LRP2: variants seen among roughly 807,000 people sequenced by gnomAD.
The protein encoded by LRP2 is LDL receptor related protein 2.
Under a neutral mutation model 531.0 loss-of-function variants are expected in LRP2, and 172 were observed. That is an observed-to-expected ratio of 0.32 (90% CI 0.29 to 0.37). The LOEUF is 0.37. Among genes scored for constraint, LRP2 ranks in the 10% least tolerant of loss-of-function variants. The pLI is 1.00. For missense variants in LRP2, 5,167 were observed against 5,868.3 expected, an observed-to-expected ratio of 0.88 and a Z score of 3.90; for synonymous variants, 1,992 against 2,027.6, an observed-to-expected ratio of 0.98 and a Z score of 0.47.
chr2:169,275,044 T>A lies in LRP2; in HGVS notation c.1967A>T (p.Gln656Leu). The A allele has an allele frequency of 3.7e-6, 6 of 1,613,474 alleles. No homozygotes were observed. Among genetic ancestry groups the A allele is most frequent in the Non-Finnish European group, 5.1e-6 (6 of 1,179,628 alleles). Residue 656 changes from glutamine to leucine, a missense_variant, in exon 14 of 79, where the codon CAG becomes CTG. Transcript: ENST00000649046. ...ACTGCTCTGAGGCTTACCATAGGGC[T>A]GTCTGAGGGAATGGTAAACAGTCAC... is the stretch of plus-strand genomic sequence containing the variant. ...YGVTVYHSLRQPYATNPCKDN... is the reference protein window; with the variant it reads ...YGVTVYHSLRLPYATNPCKDN...
chr2:169,309,486 T>C (rs144764751), intron 3 of LRP2, among the ~76,000 whole-genome samples: 38 of 152,372 alleles, frequency 2.5e-4, no homozygotes, highest in African/African-American at 8.9e-4. Flanking sequence ...AGGGAATCCT[T>C]TTCCCGTTTC....
chr2:169,216,777 G>A (rs1688812973), intron 34 of LRP2, among the ~76,000 whole-genome samples: 1 of 152,120 alleles, frequency 6.6e-6, no homozygotes, highest in Non-Finnish European at 1.5e-5. Flanking sequence ...TCAGTACATA[G>A]TGAAGGCCAA....
At chr2:169,305,602 T>C (rs1684394724) in intron 4 of LRP2, among the ~76,000 whole-genome samples, 1 of 152,192 alleles carries the variant, frequency 6.6e-6, no homozygotes, top group African/African-American at 2.4e-5. Flanking sequence ...ACTGAAAAGT[T>C]TATGATCAAG....
chr2:169,312,776 C>T (rs568715661), intron 3 of LRP2, among the ~76,000 whole-genome samples: 205 of 152,204 alleles, frequency 1.3e-3, no homozygotes, highest in African/African-American at 4.4e-3. Context: ...GAAGTTCTCC[C>T]GGATAATATC....
At chr2:169,357,091 A>G (rs1686008121) in intron 1 of LRP2, among the ~76,000 whole-genome samples, 1 of 152,140 alleles carries the variant, frequency 6.6e-6, no homozygotes. Flanking sequence ...AGTTAATAGG[A>G]TACGATAGAA....
chr2:169,299,696 G>A (rs7575260), intron 4 of LRP2, among the ~76,000 whole-genome samples: 38,368 of 151,946 alleles, frequency 0.25, 5,253 homozygotes, highest in East Asian at 0.44. Context: ...TAGTGGCACG[G>A]GGCTACATGT....
At chr2:169,309,130 G>C (rs1684515475) in intron 3 of LRP2, among the ~76,000 whole-genome samples, 1 of 152,094 alleles carries the variant, frequency 6.6e-6, no homozygotes, top group Non-Finnish European at 1.5e-5. Context: ...TCAGCCCTTT[G>C]TCAGATGGGT....
intron 29 of LRP2, 87 bp from the exon 30 acceptor site, chr2:169,233,675 CG>C: frequency 8.4e-7 from 1 of 1,193,208 alleles, no homozygotes; most frequent in Non-Finnish European, 1.2e-6. Flanking sequence ...CTCAAGAAGA[CG>C]GTTTCCTTTA....
Position 169,211,963 on chromosome 2 carries a change from C to A in LRP2, c.6280+5G>T. On this transcript the variant is annotated splice_donor_5th_base_variant and intron_variant, in intron 37 of 78. Transcript: ENST00000649046. ...CAAATCTTACTTATATTGGAGTTGG[C>A]ATACCTTGGCCTGCCACCGGCACCA... The A allele has an allele frequency of 6.2e-7, 1 of 1,613,842 alleles. No individual in the cohort carries two copies. The highest frequency in any genetic ancestry group is 8.5e-7 in the Non-Finnish European group (1 of 1,179,810).
In LRP2 at chr2:169,179,720, C is replaced by CA. The variant is rs5836221; in HGVS notation, c.10170-1695dup. Among the ~76,000 whole-genome samples the CA allele has an allele frequency of 2.2e-4, 32 of 146,224 alleles. 1 individual carries two copies. Among genetic ancestry groups the CA allele is most frequent in the South Asian group, 4.5e-4 (2 of 4,478 alleles). On this transcript the variant is annotated intron_variant, in intron 52 of 78. Transcript: ENST00000649046. ...GGGCAACAAGAGCGAATTTCCATCT[C>CA]AAAAAAAAAAAGTAAGAGTAGAACT... is the stretch of plus-strand genomic sequence containing the variant.
At chr2:169,298,955 A>AAAACAGAGAAGC (rs547462147) in intron 4 of LRP2, among the ~76,000 whole-genome samples, 159 of 151,982 alleles carry the variant, frequency 1.0e-3, no homozygotes, top group African/African-American at 3.5e-3. Context: ...TACAAGGAAA[A>AAAACAGAGAAGC]AAACAGAGAA....
rs1690021628 is a variant in LRP2 at position 169,246,770 on chromosome 2, T to G, written c.3125A>C (p.Tyr1042Ser). Reference sequence around the variant, plus strand: ...ATCATCGACTCCATCACAGAGATAGTAATTGGGCACACATCTGCCATTTTT... The same window carrying G: ...ATCATCGACTCCATCACAGAGATAGGAATTGGGCACACATCTGCCATTTTT... ...PCKNGRCVPN[Y>S]YLCDGVDDCH... is the part of the protein sequence containing the mutation. The change falls in exon 21 of 79, where the codon TAC becomes TCC. Residue 1042 changes from tyrosine to serine, a missense_variant. Physicochemically the swap from Tyr to Ser is moderately radical, Grantham distance 144. Coordinates refer to ENST00000649046, the MANE Select transcript of LRP2 (RefSeq NM_004525.3). The G allele has an allele frequency of 6.2e-7, 1 of 1,614,222 alleles. No individual in the cohort carries two copies. The highest frequency in any genetic ancestry group is 8.5e-7 in the Non-Finnish European group (1 of 1,180,036).
chr2:169,170,160 G>GATT (rs1686941143), intron 59 of LRP2, among the ~76,000 whole-genome samples: 3 of 151,806 alleles, frequency 2.0e-5, no homozygotes, highest in Admixed American at 2.0e-4. Context: ...TTGGGTTTAG[G>GATT]ATTACTCTGT....
Position 169,320,808 on chromosome 2 carries a change from G to C in LRP2, c.156C>G (p.Asp52Glu). Reference sequence around the variant, plus strand: ...CAATTTCATCCGCGTCATCTGAACAGTCTTTGGTCCCATCACACCTCCAGT... The same window carrying C: ...CAATTTCATCCGCGTCATCTGAACACTCTTTGGTCCCATCACACCTCCAGT... ...PADWRCDGTK[D>E]CSDDADEIGC... Residue 52 changes from aspartate (D) to glutamate (E), a missense_variant, in exon 2 of 79, where the codon GAC (aspartate) becomes GAG (glutamate). Around this residue, in one of 6 missense-constraint regions of LRP2, gnomAD observed 2,811 missense variants for 3,058.0 expected, o/e 0.92. Coordinates refer to ENST00000649046, the MANE Select transcript of LRP2 (RefSeq NM_004525.3). 1 of 1,614,174 alleles carries C rather than the reference G, an allele frequency of 6.2e-7. No individual in the cohort carries two copies. The highest frequency in any genetic ancestry group is 8.5e-7 in the Non-Finnish European group (1 of 1,180,006).
intron 1 of LRP2, among the ~76,000 whole-genome samples, chr2:169,328,970 G>T (rs1018191462): frequency 6.6e-6 from 1 of 152,188 alleles, no homozygotes; most frequent in Non-Finnish European, 1.5e-5. Context: ...AGATGAGGAC[G>T]ACAAGGCTTG....
Position 169,241,368 on chromosome 2 carries a change from A to C in LRP2, c.3668-3T>G. ...GCACATACCAGGAGGCCTGGTTGCT[A>C]GAAGGAAAACATGGGGTAAATCGGC... On this transcript the variant is annotated splice_polypyrimidine_tract_variant and splice_region_variant and intron_variant, in intron 24 of 78. Coordinates refer to ENST00000649046, the MANE Select transcript of LRP2 (RefSeq NM_004525.3). The C allele has an allele frequency of 6.2e-7, 1 of 1,614,134 alleles. No homozygotes were observed. The highest frequency in any genetic ancestry group is 8.5e-7 in the Non-Finnish European group (1 of 1,180,024).
chr2:169,206,206 GACAC>G lies in LRP2; in HGVS notation c.7391-22_7391-19del, dbSNP rs749169073. On this transcript the variant is annotated intron_variant, in intron 39 of 78. Coordinates refer to ENST00000649046, the MANE Select transcript of LRP2 (RefSeq NM_004525.3). ...CCCTATACCTGGACACATACAGGCA[GACAC>G]ACACACAAGCACACACAAAGACATT... 2 of 1,613,856 alleles carry G rather than the reference GACAC, an allele frequency of 1.2e-6. No homozygotes were observed. The highest frequency in any genetic ancestry group is 2.7e-5 in the African/African-American group (2 of 74,920).
intron 36 of LRP2, 102 bp from the exon 37 acceptor site, chr2:169,212,309 T>C (rs1032904161): frequency 2.6e-5 from 38 of 1,473,970 alleles, no homozygotes; most frequent in Non-Finnish European, 2.8e-6. Context: ...TTCTAAAAAT[T>C]AATAACCAAC....
chr2:169,216,430 C>G lies in LRP2; in HGVS notation c.5649G>C (p.Gly1883=). 6.2e-7 allele frequency: 1 copy of G among 1,613,296 alleles called. No homozygotes were observed. Among genetic ancestry groups the G allele is most frequent in the Non-Finnish European group, 8.5e-7 (1 of 1,179,492 alleles). Residue 1883 remains glycine (G), a splice_region_variant and synonymous_variant, in exon 35 of 79, where the codon GGG becomes GGC. Transcript: ENST00000649046. ...TTCCTTGGTCTGACCAGTACAGCTTCCTACAACCATGAAAAACACCAGCAT... is the reference window on the plus strand; with the variant it reads ...TTCCTTGGTCTGACCAGTACAGCTTGCTACAACCATGAAAAACACCAGCAT... ...PIGITVDPAR[G]KLYWSDQGTD...
Sources: gnomAD v4.1 joint callset for allele counts (sites outside exome capture counted in the v4.1 genomes callset) on GRCh38, gnomAD v4.1.1 for gene constraint, gnomAD v4.1.1 regional missense constraint, MANE v1.5 for transcripts, NCBI Gene and HGNC (gene_info 2026-07-23, HGNC 2026-07-21) for gene names.